The following CTBP2 variants were observed in gnomAD, a reference collection of about 807,000 sequenced individuals.
CTBP2 encodes C-terminal binding protein 2, also known as C-terminal-binding protein 2.
Under a neutral mutation model 80.3 loss-of-function variants are expected in CTBP2, and 30 were observed. The observed-to-expected ratio is 0.37, with a 90% CI of 0.28 to 0.51. CTBP2 has a LOEUF of 0.51. Ranked by LOEUF, CTBP2 falls within the 20% of genes least tolerant of loss-of-function variation. CTBP2 has a pLI of 0.93. For synonymous variants in CTBP2, 594 were observed against 587.4 expected, an observed-to-expected ratio of 1.01 and a Z score of -0.16; for missense variants, 1,212 against 1,375.3, an observed-to-expected ratio of 0.88 and a Z score of 1.88.
chr10:125,077,756 A>G (rs1846497245), intron 2 of CTBP2, among the ~76,000 whole-genome samples: 1 of 152,158 alleles, frequency 6.6e-6, no homozygotes, highest in Admixed American at 6.5e-5. Context: ...ACCCCAGCTG[A>G]TGCCCACGGG....
At chr10:125,006,002 G>A (rs1321411749) in intron 1 of CTBP2, 3 of 1,434,744 alleles carry the variant, frequency 2.1e-6, no homozygotes, top group Admixed American at 2.9e-5. Context: ...GAGCCTGAGA[G>A]GCCATTGTCA....
Position 125,151,849 on chromosome 10 carries a change from C to A in CTBP2, c.-206+8470G>T, listed in dbSNP as rs138107540. ...AGGCGGCGTCTAGCTGGACCCCCGC[C>A]GCCCCGGGTCCGAGCGGCCCCGCCC... On this transcript the variant is annotated intron_variant, in intron 1 of 10. Transcript: ENST00000337195. 4.7e-3 allele frequency among the ~76,000 whole-genome samples: 713 copies of A among 152,326 alleles called. 4 individuals carry two copies. The highest frequency in any genetic ancestry group is 8.7e-3 in the Non-Finnish European group (590 of 68,018).
intron 1 of CTBP2, among the ~76,000 whole-genome samples, chr10:125,024,128 C>A: frequency 6.6e-6 from 1 of 152,376 alleles, no homozygotes; most frequent in East Asian, 1.9e-4. Flanking sequence ...CTGGCTCCGA[C>A]AGATCCAAAT....
At chr10:125,095,905 G>A (rs2135739311) in intron 2 of CTBP2, among the ~76,000 whole-genome samples, 1 of 152,272 alleles carries the variant, frequency 6.6e-6, no homozygotes, top group African/African-American at 2.4e-5. Flanking sequence ...TGGTCATGAG[G>A]TGGGAGGCAG....
At chr10:125,047,027 G>C (rs1366299738) in intron 2 of CTBP2, among the ~76,000 whole-genome samples, 3 of 152,170 alleles carry the variant, frequency 2.0e-5, no homozygotes, top group Admixed American at 6.5e-5. Flanking sequence ...ATTAAGTGTT[G>C]GTCTTTGTTG....
chr10:125,114,151 A>C (rs1852776669), intron 1 of CTBP2, among the ~76,000 whole-genome samples: 1 of 152,204 alleles, frequency 6.6e-6, no homozygotes, highest in African/African-American at 2.4e-5. Context: ...GAAATGACTT[A>C]GCTGATTAAA....
At chr10:125,106,392 T>C (rs1851462239) in intron 2 of CTBP2, among the ~76,000 whole-genome samples, 1 of 152,134 alleles carries the variant, frequency 6.6e-6, no homozygotes, top group African/African-American at 2.4e-5. Flanking sequence ...CGGAAAGGCT[T>C]CCACCAGCAA....
At chr10:125,081,127 G>T (rs371223022) in intron 2 of CTBP2, among the ~76,000 whole-genome samples, 16 of 152,230 alleles carry the variant, frequency 1.1e-4, no homozygotes, top group African/African-American at 3.1e-4. Context: ...CCCGCCCAAA[G>T]TGCCCAACTC....
At chr10:125,010,047 C>T (rs1043909206) in intron 1 of CTBP2, among the ~76,000 whole-genome samples, 1 of 152,084 alleles carries the variant, frequency 6.6e-6, no homozygotes, top group African/African-American at 2.4e-5. Context: ...CGGGAAGGTG[C>T]CTGTTCCCAC....
intron 3 of CTBP2, 90 bp downstream of exon 5, chr10:125,002,870 T>C (rs1589990589): frequency 8.6e-6 from 13 of 1,513,310 alleles, no homozygotes; most frequent in Middle Eastern, 2.4e-4. Context: ...TGCTCCGTGG[T>C]CCCAGTTCCA....
chr10:124,990,527 G>T (rs549564882), intron 8 of CTBP2, among the ~76,000 whole-genome samples: 9 of 152,160 alleles, frequency 5.9e-5, no homozygotes, highest in Non-Finnish European at 1.0e-4. Context: ...TATGAATGTG[G>T]ATACATTATA....
At chr10:125,035,911 C>T (rs1056976638) in intron 3 of CTBP2, among the ~76,000 whole-genome samples, 1 of 152,036 alleles carries the variant, frequency 6.6e-6, no homozygotes, top group African/African-American at 2.4e-5. Context: ...AGGGCTCCTT[C>T]GTAATAATTC....
At chr10:125,062,485 G>A (rs1372858175) in intron 2 of CTBP2, among the ~76,000 whole-genome samples, 1 of 152,026 alleles carries the variant, frequency 6.6e-6, no homozygotes, top group Admixed American at 6.5e-5. Context: ...GAGGTTCTGG[G>A]ACAGCAGACA....
intron 1 of CTBP2, among the ~76,000 whole-genome samples, chr10:125,014,038 G>C (rs907036954): frequency 6.6e-6 from 1 of 152,160 alleles, no homozygotes; most frequent in Admixed American, 6.5e-5. Context: ...TTCCCACCCG[G>C]GTGTCTCTCT....
At chr10:125,052,395 C>A (rs991069509) in intron 2 of CTBP2, among the ~76,000 whole-genome samples, 2 of 152,228 alleles carry the variant, frequency 1.3e-5, no homozygotes, top group African/African-American at 4.8e-5. Context: ...CAGGGAGCAG[C>A]CTCCTGAGAG....
chr10:125,073,917 C>T (rs539626666), intron 2 of CTBP2, among the ~76,000 whole-genome samples: 1 of 152,326 alleles, frequency 6.6e-6, no homozygotes, highest in Admixed American at 6.5e-5. Flanking sequence ...TCTGTTCTTA[C>T]TCCCACGGCC....
chr10:124,997,852 T>G (rs572233173), intron 4 of CTBP2, 112 bp downstream of exon 6: 41 of 1,173,116 alleles, frequency 3.5e-5, no homozygotes, highest in Non-Finnish European at 4.9e-5. Flanking sequence ...GTGCTGGCCC[T>G]GCCTGCCCTG....
intron 1 of CTBP2, among the ~76,000 whole-genome samples, chr10:125,135,270 C>G (rs1263825889): frequency 6.6e-6 from 1 of 152,164 alleles, no homozygotes; most frequent in African/African-American, 2.4e-5. Context: ...ACCCGCTCCA[C>G]CACCCTCTCT....
chr10:125,094,615 T>C (rs1849272127), intron 2 of CTBP2, among the ~76,000 whole-genome samples: 1 of 152,054 alleles, frequency 6.6e-6, no homozygotes, highest in Admixed American at 6.5e-5. Context: ...CACTGGGCCC[T>C]ATCTGGCGAC....
Sources: allele counts gnomAD v4.1 joint callset (sites outside exome capture counted in the v4.1 genomes callset), GRCh38; gene constraint gnomAD v4.1.1; transcripts MANE v1.5; gene names NCBI Gene and HGNC (gene_info 2026-07-23, HGNC 2026-07-21).